STK32A: variants seen among roughly 807,000 people sequenced by gnomAD.
The protein encoded by STK32A is serine/threonine kinase 32A.
A neutral mutation model predicts 53.2 loss-of-function variants in STK32A; 41 were observed. That is an observed-to-expected ratio of 0.77 (90% confidence interval 0.60 to 1.00). The LOEUF is 1.00. STK32A is among the 50% of genes least tolerant of loss of function. STK32A has a pLI of 0.00. For missense variants in STK32A, 458 were observed against 485.8 expected (o/e 0.94, Z 0.54); for synonymous variants, 166 against 162.8 (o/e 1.02, Z -0.15).
intron 2 of STK32A, among the ~76,000 whole-genome samples, chr5:147,268,881 AGAG>A (rs1754916928): frequency 6.6e-6 from 1 of 152,202 alleles, no homozygotes; most frequent in Non-Finnish European, 1.5e-5. Flanking sequence ...CTGCATAAGA[AGAG>A]GAGAAGCAGA....
At chr5:147,256,397 C>A (rs1580995946) in intron 2 of STK32A, among the ~76,000 whole-genome samples, 1 of 152,264 alleles carries the variant, frequency 6.6e-6, no homozygotes, top group East Asian at 1.9e-4. Context: ...GACTGGAGGA[C>A]CACCCTAGTG....
chr5:147,275,932 T>G (rs569741913), intron 2 of STK32A, among the ~76,000 whole-genome samples: 83 of 152,322 alleles, frequency 5.4e-4, no homozygotes, highest in African/African-American at 1.9e-3. Context: ...TGGATTAATA[T>G]CAACATGGAA....
intron 2 of STK32A, among the ~76,000 whole-genome samples, chr5:147,259,342 C>G (rs962856334): frequency 6.6e-6 from 1 of 152,160 alleles, no homozygotes; most frequent in East Asian, 1.9e-4. Flanking sequence ...AAAGCAGTTG[C>G]GGCTACAGAT....
intron 4 of STK32A, among the ~76,000 whole-genome samples, chr5:147,320,038 A>T (rs1178607765): frequency 2.1e-5 from 2 of 96,404 alleles, no homozygotes; most frequent in African/African-American, 8.1e-5. Flanking sequence ...TATATTCATA[A>T]AAAAAATCAT....
At chr5:147,377,550 C>T (rs759396436) in intron 11 of STK32A, among the ~76,000 whole-genome samples, 4 of 152,034 alleles carry the variant, frequency 2.6e-5, no homozygotes, top group Admixed American at 6.5e-5. Flanking sequence ...CTCTGGAAAT[C>T]AGGTTCCTCC....
intron 3 of STK32A, 72 bp from the exon 4 acceptor site, chr5:147,279,175 T>C (rs1751914168): frequency 7.0e-7 from 1 of 1,428,878 alleles, no homozygotes; most frequent in Non-Finnish European, 9.5e-7. Context: ...AAAGAACATG[T>C]CTTGTTCTGT....
intron 7 of STK32A, among the ~76,000 whole-genome samples, chr5:147,354,523 C>T (rs1561742672): frequency 6.6e-6 from 1 of 152,180 alleles, no homozygotes; most frequent in Non-Finnish European, 1.5e-5. Context: ...AAATTCTGTG[C>T]ACCTTCCACT....
intron 2 of STK32A, among the ~76,000 whole-genome samples, chr5:147,273,826 C>T (rs111940493): frequency 0.011 from 1,683 of 152,268 alleles, 28 homozygotes; most frequent in African/African-American, 0.038. Context: ...CTAACCTCAA[C>T]ATTAATATGT....
intron 2 of STK32A, chr5:147,240,004 C>T (rs897648206): frequency 1.1e-5 from 3 of 268,680 alleles, no homozygotes; most frequent in South Asian, 8.6e-5. Flanking sequence ...GAAGTTACCC[C>T]CATTGCTCAT....
intron 2 of STK32A, among the ~76,000 whole-genome samples, chr5:147,272,132 T>C (rs1239333885): frequency 2.0e-5 from 3 of 152,110 alleles, no homozygotes; most frequent in Non-Finnish European, 4.4e-5. Context: ...TTGGGGAAAA[T>C]AGAAAAGAAC....
rs199952306 is a variant in STK32A at position 147,249,490 on chromosome 5, C to T, written c.52+9804C>T. Among the ~76,000 whole-genome samples the T allele has an allele frequency of 9.9e-5, 15 of 152,108 alleles. No homozygotes were observed. In the East Asian group the frequency reaches 2.3e-3, roughly 24 times the overall value. ...CCGATATTGATCTCCCTTTTCTTCC[C>T]TAGTTTTCTGGGGGGTGGGAGGCAG... On this transcript the variant is annotated intron_variant, in intron 2 of 12. Transcript: ENST00000397936.
intron 4 of STK32A, among the ~76,000 whole-genome samples, chr5:147,282,490 C>A (rs1328222949): frequency 6.6e-6 from 1 of 152,130 alleles, no homozygotes; most frequent in Non-Finnish European, 1.5e-5. Context: ...TTAAAAGATA[C>A]AGAATCACAG....
At chr5:147,259,369 A>G (rs1315531088) in intron 2 of STK32A, among the ~76,000 whole-genome samples, 2 of 152,048 alleles carry the variant, frequency 1.3e-5, no homozygotes, top group Non-Finnish European at 2.9e-5. Flanking sequence ...TATTCGGGCC[A>G]TCCGCGGGTT....
the STK32A span, chr5:147,394,057 G>T: frequency 6.2e-7 from 1 of 1,614,124 alleles, no homozygotes; most frequent in Non-Finnish European, 8.5e-7. Context: ...TGTGATATTA[G>T]AACGGCCGCC....
chr5:147,384,264 C>T lies in STK32A; in HGVS notation c.*281C>T, dbSNP rs545761603. On this transcript the variant is annotated 3_prime_UTR_variant, in exon 13 of 13. Coordinates refer to ENST00000397936, the MANE Select transcript of STK32A (RefSeq NM_001112724.2). ...AAATGAGAGGGTTATACTAGACGAG[C>T]CATACCCTGCCTTTTTAGTGCTATA... 2 of 1,329,218 alleles carry T rather than the reference C, an allele frequency of 1.5e-6. No individual in the cohort carries two copies. Among genetic ancestry groups the T allele is most frequent in the Admixed American group, 2.8e-5 (1 of 35,382 alleles). The allele number at this position is 1,329,218 out of a possible 1,614,324, so 82.3% of individuals were successfully genotyped here.
intron 4 of STK32A, among the ~76,000 whole-genome samples, chr5:147,311,178 G>T (rs889038968): frequency 2.0e-5 from 3 of 151,946 alleles, no homozygotes; most frequent in Non-Finnish European, 4.4e-5. Flanking sequence ...ATCAAACTTG[G>T]GTCCTTCTGT....
chr5:147,248,672 C>T (rs946227079), intron 2 of STK32A, among the ~76,000 whole-genome samples: 41 of 152,250 alleles, frequency 2.7e-4, no homozygotes, highest in African/African-American at 9.4e-4. Context: ...ATCCATGAAT[C>T]GGGATCCAGC....
intron 3 of STK32A, among the ~76,000 whole-genome samples, chr5:147,278,838 G>A (rs978547661): frequency 5.9e-5 from 9 of 151,932 alleles, no homozygotes; most frequent in African/African-American, 2.2e-4. Context: ...GTCCTTTTTG[G>A]TTATATCATG....
the STK32A span, chr5:147,393,791 T>G: frequency 3.8e-6 from 2 of 519,670 alleles, no homozygotes; most frequent in East Asian, 3.4e-5. Context: ...GCCTGTCTGA[T>G]TGCATGCATG....
Sources: gnomAD v4.1 joint callset for allele counts (sites outside exome capture counted in the v4.1 genomes callset) on GRCh38, gnomAD v4.1.1 for gene constraint, MANE v1.5 for transcripts, NCBI Gene and HGNC (gene_info 2026-07-23, HGNC 2026-07-21) for gene names.